LRGUK: variants seen among roughly 807,000 people sequenced by gnomAD.
The protein encoded by LRGUK is leucine-rich repeat and guanylate kinase domain-containing protein.
Under a neutral mutation model 76.0 loss-of-function variants are expected in LRGUK, and 65 were observed. The observed-to-expected ratio is 0.85, with a 90% CI of 0.70 to 1.05. The LOEUF is 1.05. LRGUK is among the 50% of genes least tolerant of loss of function. The pLI is 0.00. For synonymous variants in LRGUK, 268 were observed against 265.6 expected (o/e 1.01, Z -0.09); for missense variants, 758 against 732.8 (o/e 1.03, Z -0.40).
intron 16 of LRGUK, among the ~76,000 whole-genome samples, chr7:134,243,638 A>G (rs1278469859): frequency 6.6e-6 from 1 of 152,186 alleles, no homozygotes. Context: ...AAGGTAATTT[A>G]TAGATTCAAT....
chr7:134,238,027 G>C (rs1232176706), intron 16 of LRGUK, among the ~76,000 whole-genome samples: 2 of 152,024 alleles, frequency 1.3e-5, no homozygotes, highest in African/African-American at 2.4e-5. Flanking sequence ...CCAAAAAATA[G>C]TTAAAAACAT....
chr7:134,181,966 C>A lies in LRGUK; in HGVS notation c.1215-1768C>A, dbSNP rs558117419. On this transcript the variant is annotated intron_variant, in intron 10 of 15. Coordinates refer to ENST00000645682, the Ensembl canonical transcript of LRGUK. ...TATAGAGCAGTTTTATCACAAGGAT[C>A]CCTTGTAATACTCTATAATAGCCAT... 5.3e-5 allele frequency among the ~76,000 whole-genome samples: 8 copies of A among 152,266 alleles called. 2 individuals carry two copies. Among genetic ancestry groups the A allele is most frequent in the African/African-American group, 1.9e-4 (8 of 41,534 alleles).
chr7:134,142,981 G>C (rs1230121767), intron 3 of LRGUK, 81 bp from the exon 4 acceptor site: 1 of 710,024 alleles, frequency 1.4e-6, no homozygotes, highest in Non-Finnish European at 2.5e-6. Flanking sequence ...AAAATATTCT[G>C]ATGTCATGTA....
intron 16 of LRGUK, among the ~76,000 whole-genome samples, chr7:134,241,479 A>G (rs1336271968): frequency 5.9e-5 from 9 of 152,154 alleles, no homozygotes; most frequent in Non-Finnish European, 1.3e-4. Context: ...TAATGGTAAA[A>G]GGATCAATTC....
chr7:134,141,070 A>T (rs1157856289), intron 3 of LRGUK, among the ~76,000 whole-genome samples: 1 of 152,178 alleles, frequency 6.6e-6, no homozygotes, highest in Admixed American at 6.5e-5. Flanking sequence ...GCCAATGCTC[A>T]CTGCTGACAA....
intron 5 of LRGUK, among the ~76,000 whole-genome samples, chr7:134,156,566 A>G (rs941238045): frequency 2.6e-5 from 4 of 152,232 alleles, no homozygotes. Flanking sequence ...GGTACATTCC[A>G]GAACTATTGT....
In LRGUK at chr7:134,209,201, C is replaced by T. The variant is rs1801136270; in HGVS notation, c.2338C>T (p.Gln780Ter). 1.0e-5 allele frequency: 4 copies of T among 399,040 alleles called. No individual in the cohort carries two copies. The highest frequency in any genetic ancestry group is 1.8e-5 in the Non-Finnish European group (4 of 226,296). 24.7% of individuals were successfully genotyped at this position (399,040 alleles called of 1,614,324 possible). Residue 780 changes from glutamine to a stop codon, truncating the protein, a stop_gained, in exon 16 of 16, where the codon CAG (glutamine) becomes TAG (stop). Coordinates refer to ENST00000645682, the Ensembl canonical transcript of LRGUK. LOFTEE classifies it low-confidence loss of function (END_TRUNC). ...CCAGGACAAGGAGTCAGGGGAGGCC[C>T]AGGTAACCCCTACTGGCCCTCCTCT...
intron 1 of LRGUK, among the ~76,000 whole-genome samples, chr7:134,129,192 T>TCCTC (rs1319521385): frequency 1.6e-5 from 2 of 126,594 alleles, no homozygotes; most frequent in Non-Finnish European, 3.3e-5. Context: ...CTTCCTTCCT[T>TCCTC]CCTCCCTCCC....
At chr7:134,243,776 G>A (rs1203801176) in intron 16 of LRGUK, among the ~76,000 whole-genome samples, 1 of 152,140 alleles carries the variant, frequency 6.6e-6, no homozygotes, top group African/African-American at 2.4e-5. Context: ...AAAGCTGGAG[G>A]CATCACACTA....
At chr7:134,176,596 G>A (rs1274332338) in intron 8 of LRGUK, among the ~76,000 whole-genome samples, 1 of 152,090 alleles carries the variant, frequency 6.6e-6, no homozygotes, top group Non-Finnish European at 1.5e-5. Context: ...TAGCCAGGAT[G>A]TTCTCGATCT....
chr7:134,160,307 T>G (rs919931398), intron 6 of LRGUK, among the ~76,000 whole-genome samples: 2 of 152,212 alleles, frequency 1.3e-5, no homozygotes, highest in Non-Finnish European at 2.9e-5. Flanking sequence ...AGAAAAAGGA[T>G]AGAATACTTC....
chr7:134,148,178 T>C, intron 4 of LRGUK, 60 bp from the exon 5 acceptor site: 3 of 1,090,142 alleles, frequency 2.8e-6, no homozygotes, highest in South Asian at 1.3e-5. Flanking sequence ...CAGTTAATTA[T>C]TGTGGCAAAC....
At position 134,251,137 on chromosome 7, in the gene LRGUK, C is replaced by T. The variant is rs192111498; in HGVS notation, c.2198+2061C>T. 2.0e-5 allele frequency among the ~76,000 whole-genome samples: 3 copies of T among 152,154 alleles called. No homozygotes were observed. The East Asian group carries it at 5.8e-4, about 29-fold the overall frequency. Reference sequence around the variant, plus strand: ...CCAATTTCATATGTTGGAGTCCTGACCCCCAGGATCTCAGAATGTGACCTT... The same window carrying T: ...CCAATTTCATATGTTGGAGTCCTGATCCCCAGGATCTCAGAATGTGACCTT... On this transcript the variant is annotated intron_variant, in intron 18 of 19. Transcript: ENST00000285928.
intron 7 of LRGUK, among the ~76,000 whole-genome samples, chr7:134,167,074 G>A (rs561597953): frequency 4.8e-4 from 73 of 152,314 alleles, no homozygotes; most frequent in African/African-American, 1.5e-3. Context: ...TGATGCTCGC[G>A]TGATCAGATC....
the LRGUK span, among the ~76,000 whole-genome samples, chr7:134,275,239 T>C: frequency 1.3e-3 from 204 of 152,176 alleles, no homozygotes; most frequent in Middle Eastern, 3.2e-3. Flanking sequence ...TTAAGAGCTA[T>C]TTTGGCTTTA....
At chr7:134,266,595 C>T (rs1271659063), downstream of LRGUK, among the ~76,000 whole-genome samples, 1 of 152,110 alleles carries the variant, frequency 6.6e-6, no homozygotes, top group African/African-American at 2.4e-5. Flanking sequence ...ATTGAAATTA[C>T]CCAATCTGAC....
At chr7:134,229,050 G>A (rs769548652) in intron 16 of LRGUK, among the ~76,000 whole-genome samples, 43 of 152,196 alleles carry the variant, frequency 2.8e-4, no homozygotes, top group Admixed American at 5.9e-4. Context: ...CTATGTAATA[G>A]CAACAATTTT....
intron 18 of LRGUK, among the ~76,000 whole-genome samples, chr7:134,250,807 A>G (rs753299324): frequency 5.3e-5 from 8 of 152,172 alleles, no homozygotes; most frequent in Non-Finnish European, 8.8e-5. Flanking sequence ...TACAGCAAAA[A>G]AGAGAAAACA....
chr7:134,218,511 T>C (rs1183066634), intron 15 of LRGUK, among the ~76,000 whole-genome samples: 1 of 152,256 alleles, frequency 6.6e-6, no homozygotes, highest in Non-Finnish European at 1.5e-5. Flanking sequence ...ACACTTGTCA[T>C]TAAAATAGAG....
Sources: gnomAD v4.1 joint callset for allele counts (sites outside exome capture counted in the v4.1 genomes callset) on GRCh38, gnomAD v4.1.1 for gene constraint, MANE v1.5 for transcripts, NCBI Gene and HGNC (gene_info 2026-07-23, HGNC 2026-07-21) for gene names.